Variants in CDH23 observed in about 807,000 individuals in gnomAD.
CDH23 encodes the protein cadherin-23.
A neutral mutation model predicts 317.1 loss-of-function variants in CDH23; 189 were observed. That is an observed-to-expected ratio of 0.60 (90% CI 0.53 to 0.67). CDH23 has a LOEUF of 0.67. CDH23 is among the 30% of genes least tolerant of loss of function. The pLI, the probability that CDH23 is intolerant of heterozygous loss-of-function variation, is 0.00. For missense variants in CDH23, 4,401 were observed against 4,592.4 expected (o/e 0.96, Z 1.20); for synonymous variants, 1,839 against 1,876.8 (o/e 0.98, Z 0.52).
At chr10:71,696,346 A>T (rs1301591833) in intron 22 of CDH23, among the ~76,000 whole-genome samples, 1 of 152,170 alleles carries the variant, frequency 6.6e-6, no homozygotes, top group African/African-American at 2.4e-5. Flanking sequence ...AACACCTGGG[A>T]TGTGCTCTGA....
At chr10:71,442,506 C>G (rs570706695) in intron 2 of CDH23, among the ~76,000 whole-genome samples, 14 of 152,340 alleles carry the variant, frequency 9.2e-5, no homozygotes, top group Middle Eastern at 3.4e-3. Flanking sequence ...TCTCTACCCC[C>G]CTACCTGGTA....
Position 71,716,197 on chromosome 10 carries a change from G to A in CDH23, c.3369+3384G>A, listed in dbSNP as rs967028226. ...TGAACAGCAGACAGGTGGCCAGCAG[G>A]AGGAAGATGCAGGCCAGGGCGATGA... is the stretch of plus-strand genomic sequence containing the variant. On this transcript the variant is annotated intron_variant, in intron 28 of 69. Coordinates refer to ENST00000224721, the MANE Select transcript of CDH23 (RefSeq NM_022124.6). The A allele has an allele frequency of 3.9e-6, 6 of 1,551,160 alleles. No individual in the cohort carries two copies. The African/African-American group carries it at 5.5e-5, about 14-fold the overall frequency.
At chr10:71,600,730 A>G (rs1219877237) in intron 9 of CDH23, among the ~76,000 whole-genome samples, 1 of 151,342 alleles carries the variant, frequency 6.6e-6, no homozygotes, top group Non-Finnish European at 1.5e-5. Context: ...GTTAGCCGCA[A>G]TGGTCTCGAT....
At chr10:71,432,782 A>T (rs1849457396) in intron 1 of CDH23, among the ~76,000 whole-genome samples, 2 of 152,120 alleles carry the variant, frequency 1.3e-5, no homozygotes, top group Non-Finnish European at 2.9e-5. Flanking sequence ...TGGACTCGGG[A>T]TGGAGAGGCA....
intron 55 of CDH23, among the ~76,000 whole-genome samples, chr10:71,803,815 C>CAAA (rs59916449): frequency 1.4e-4 from 10 of 71,080 alleles, no homozygotes; most frequent in Admixed American, 3.4e-4. Flanking sequence ...ACTAAAAATG[C>CAAA]AAAAAAAAAA....
intron 6 of CDH23, among the ~76,000 whole-genome samples, chr10:71,513,855 G>A (rs1854128788): frequency 6.6e-6 from 1 of 152,122 alleles, no homozygotes; most frequent in Non-Finnish European, 1.5e-5. Flanking sequence ...GTTCTTTGCA[G>A]GATGGCGGAG....
chr10:71,646,912 C>G, intron 14 of CDH23: 1 of 1,414,686 alleles, frequency 7.1e-7, no homozygotes, highest in Non-Finnish European at 9.2e-7. Context: ...GCTGGGAGCC[C>G]TGGAAGCCCC....
At chr10:71,446,235 C>T in intron 2 of CDH23, 83 bp from the exon 3 acceptor site, 1 of 1,314,026 alleles carries the variant, frequency 7.6e-7, no homozygotes, top group South Asian at 1.2e-5. Context: ...GTGCCCACTG[C>T]AGCCCTCACC....
intron 34 of CDH23, chr10:71,737,819 C>T (rs545623788): frequency 4.3e-5 from 20 of 467,234 alleles, no homozygotes; most frequent in African/African-American, 2.0e-4. Context: ...CCACAAGAAG[C>T]CCGAGCCACA....
chr10:71,561,850 A>C (rs1380293763), intron 6 of CDH23, among the ~76,000 whole-genome samples: 2 of 151,812 alleles, frequency 1.3e-5, no homozygotes, highest in African/African-American at 4.8e-5. Flanking sequence ...GCAGGGGGGT[A>C]CCATGAAGGA....
At chr10:71,454,396 A>G (rs1464480914) in intron 3 of CDH23, among the ~76,000 whole-genome samples, 2 of 152,218 alleles carry the variant, frequency 1.3e-5, no homozygotes, top group African/African-American at 2.4e-5. Context: ...GGAAACTTTA[A>G]TGTGTCAGAC....
intron 6 of CDH23, among the ~76,000 whole-genome samples, chr10:71,546,316 G>A (rs138149151): frequency 1.2e-4 from 18 of 152,296 alleles, no homozygotes; most frequent in Admixed American, 2.6e-4. Flanking sequence ...GCATTTGCTC[G>A]TGCGGAAAAA....
intron 46 of CDH23, 124 bp from the exon 47 acceptor site, chr10:71,791,008 C>T (rs563094908): frequency 1.3e-6 from 1 of 741,154 alleles, no homozygotes; most frequent in Non-Finnish European, 2.2e-6. Context: ...TGCCTCTGCT[C>T]CTCTTTCATC....
intron 1 of CDH23, among the ~76,000 whole-genome samples, chr10:71,403,331 CTTTCTTT>C (rs1564557840): frequency 0.097 from 5,024 of 51,954 alleles, 884 homozygotes; most frequent in African/African-American, 0.12. Context: ...TCCTTCCTTT[CTTTCTTT>C]CTTTCTTTCT....
At chr10:71,550,952 T>A (rs897128264) in intron 6 of CDH23, among the ~76,000 whole-genome samples, 2 of 152,220 alleles carry the variant, frequency 1.3e-5, no homozygotes, top group Non-Finnish European at 2.9e-5. Flanking sequence ...CTGCCTCCCC[T>A]AGCCAAAAGG....
intron 55 of CDH23, 127 bp downstream of exon 55, chr10:71,803,547 A>T: frequency 1.2e-6 from 1 of 841,834 alleles, no homozygotes; most frequent in East Asian, 2.7e-5. Context: ...CCAGGAAAAA[A>T]AAAACTTTTT....
Position 71,793,262 on chromosome 10 carries a change from G to T in CDH23, c.6334G>T (p.Ala2112Ser). Residue 2112 changes from alanine to serine, a missense_variant, in exon 48 of 70, where the codon GCT becomes TCT. Around this residue, in one of 3 missense-constraint regions of CDH23, gnomAD observed 3,068 missense variants for 3,203.3 expected, o/e 0.96. Coordinates refer to ENST00000224721, the MANE Select transcript of CDH23 (RefSeq NM_022124.6). ...GCTGGTCTACCGAATAGAAGCTGGG[G>T]CTCAGGACCGCTTCCTCATTCATCT... The part of the protein sequence containing the change: ...GELVYRIEAG[A>S]QDRFLIHLVT... 1 of 1,613,938 alleles carries T rather than the reference G, an allele frequency of 6.2e-7. No individual in the cohort carries two copies.
chr10:71,753,858 T>C, intron 38 of CDH23: 1 of 456,470 alleles, frequency 2.2e-6, no homozygotes, highest in Non-Finnish European at 4.4e-6. Context: ...TGGCTATTGC[T>C]TACAGCCGAC....
chr10:71,580,615 G>C (rs1858555828), intron 9 of CDH23, among the ~76,000 whole-genome samples: 1 of 152,212 alleles, frequency 6.6e-6, no homozygotes, highest in Admixed American at 6.5e-5. Flanking sequence ...TATGGATGTG[G>C]CAAGGGATAG....
Sources: allele counts gnomAD v4.1 joint callset (sites outside exome capture counted in the v4.1 genomes callset), GRCh38; gene constraint gnomAD v4.1.1; regional missense constraint gnomAD v4.1.1; transcripts MANE v1.5; gene names NCBI Gene and HGNC (gene_info 2026-07-23, HGNC 2026-07-21).